The following KCNU1 variants were observed in gnomAD, a reference collection of about 807,000 sequenced individuals.
The protein encoded by KCNU1 is potassium calcium-activated channel subfamily U member 1.
In KCNU1, 93 loss-of-function variants were observed where a neutral mutation model predicts 126.8. The observed-to-expected ratio is 0.73, with a 90% CI of 0.62 to 0.87. KCNU1 has a LOEUF of 0.87. Among genes scored for constraint, KCNU1 ranks in the 40% least tolerant of loss-of-function variants. The probability of loss-of-function intolerance (pLI) is 0.00; values close to 1 mark genes in which losing one functional copy is unlikely to be tolerated. For synonymous variants in KCNU1, 523 were observed against 494.2 expected (o/e 1.06, Z -0.77); for missense variants, 1,330 against 1,367.1 (o/e 0.97, Z 0.43).
intron 19 of KCNU1, 34 bp downstream of exon 19, chr8:36,864,555 T>C (rs1341458427): frequency 4.0e-6 from 5 of 1,255,340 alleles, no homozygotes; most frequent in Admixed American, 1.7e-5. Flanking sequence ...TCTCCTATAG[T>C]TTTTTTGAGA....
chr8:36,794,785 C>A (rs775176906), intron 2 of KCNU1, among the ~76,000 whole-genome samples: 1 of 151,992 alleles, frequency 6.6e-6, no homozygotes, highest in Non-Finnish European at 1.5e-5. Flanking sequence ...ATTACCCAGG[C>A]ATGGTGACAC....
rs567150763 is a variant in KCNU1 at position 36,902,416 on chromosome 8, G to A, written c.2010-3292G>A. Among the ~76,000 whole-genome samples the A allele has an allele frequency of 1.2e-4, 19 of 152,214 alleles. No individual in the cohort carries two copies. The East Asian group carries it at 3.5e-3, about 28-fold the overall frequency. On this transcript the variant is annotated intron_variant, in intron 19 of 26. Transcript: ENST00000399881. ...CAAAGACTCTTCATTTATCATGAGG[G>A]TGGAGAGGGTGGAGAAGGAGGGGAA...
At chr8:36,816,234 T>A (rs10101789) in intron 9 of KCNU1, among the ~76,000 whole-genome samples, 45,350 of 151,830 alleles carry the variant, frequency 0.3, 7,648 homozygotes, top group African/African-American at 0.43. Context: ...TTTTTTTTCC[T>A]TGCCACAGCC....
At chr8:36,910,813 C>A in intron 21 of KCNU1, 117 bp from the exon 22 acceptor site, 1 of 629,220 alleles carries the variant, frequency 1.6e-6, no homozygotes, top group East Asian at 2.7e-5. Context: ...ATCAAGTCAG[C>A]AAAGGTTGGA....
intron 22 of KCNU1, among the ~76,000 whole-genome samples, chr8:36,913,053 T>C (rs1807949752): frequency 6.6e-6 from 1 of 151,304 alleles, no homozygotes; most frequent in African/African-American, 2.4e-5. Context: ...CCATAAGTCA[T>C]TTAGTTGATG....
intron 2 of KCNU1, among the ~76,000 whole-genome samples, chr8:36,794,974 A>T (rs1016351030): frequency 6.6e-6 from 1 of 152,098 alleles, no homozygotes; most frequent in Non-Finnish European, 1.5e-5. Context: ...AAGAAATGAA[A>T]GTCCACCCCA....
intron 19 of KCNU1, among the ~76,000 whole-genome samples, chr8:36,871,686 A>G (rs1806108823): frequency 6.6e-6 from 1 of 152,110 alleles, no homozygotes; most frequent in Non-Finnish European, 1.5e-5. Flanking sequence ...CTTTTAAAAA[A>G]CTAAAAACAA....
At chr8:36,929,414 A>C (rs1287214978) in intron 24 of KCNU1, among the ~76,000 whole-genome samples, 2 of 136,456 alleles carry the variant, frequency 1.5e-5, no homozygotes, top group African/African-American at 2.5e-5. Context: ...AAAAGAACAA[A>C]AAACAAACAA....
At chr8:36,803,056 G>A (rs983687853) in intron 2 of KCNU1, among the ~76,000 whole-genome samples, 1 of 152,130 alleles carries the variant, frequency 6.6e-6, no homozygotes, top group Non-Finnish European at 1.5e-5. Context: ...ACCAGTCAGA[G>A]AAGCAAGTTC....
chr8:36,802,823 C>T (rs1439660846), intron 2 of KCNU1, among the ~76,000 whole-genome samples: 3 of 152,124 alleles, frequency 2.0e-5, no homozygotes, highest in Non-Finnish European at 4.4e-5. Context: ...CTTCATTTGT[C>T]ATCCAGGCTG....
intron 10 of KCNU1, among the ~76,000 whole-genome samples, chr8:36,820,047 T>C (rs932189058): frequency 6.6e-6 from 1 of 152,276 alleles, no homozygotes; most frequent in East Asian, 1.9e-4. Flanking sequence ...CCCAGTCAGC[T>C]GTCAGCTACT....
intron 18 of KCNU1, among the ~76,000 whole-genome samples, chr8:36,855,417 G>T (rs1378269788): frequency 2.0e-5 from 3 of 152,066 alleles, no homozygotes; most frequent in Non-Finnish European, 4.4e-5. Context: ...GTAGGGTTAT[G>T]CAGGGAACCA....
At chr8:36,823,448 A>G (rs748335624) in intron 10 of KCNU1, among the ~76,000 whole-genome samples, 10 of 152,084 alleles carry the variant, frequency 6.6e-5, no homozygotes, top group Non-Finnish European at 1.3e-4. Context: ...CATCACTTCT[A>G]TTGTTTCGGT....
At chr8:36,885,208 A>G (rs1262781898) in intron 19 of KCNU1, among the ~76,000 whole-genome samples, 2 of 152,190 alleles carry the variant, frequency 1.3e-5, no homozygotes, top group Admixed American at 1.3e-4. Flanking sequence ...TGAAAGGCCT[A>G]GAAAAAGTCC....
intron 24 of KCNU1, among the ~76,000 whole-genome samples, chr8:36,927,896 G>T (rs571710192): frequency 6.7e-6 from 1 of 149,436 alleles, no homozygotes; most frequent in African/African-American, 2.4e-5. Flanking sequence ...AGACAAGAGG[G>T]ATGGAGAGAG....
In KCNU1 at chr8:36,817,691, C is replaced by A. The variant is rs1360683639; in HGVS notation, c.1037C>A (p.Thr346Asn). 1.2e-6 allele frequency: 2 copies of A among 1,612,790 alleles called. No individual in the cohort carries two copies. Among genetic ancestry groups the A allele is most frequent in the Admixed American group, 1.7e-5 (1 of 59,968 alleles). ...VCGNITVDSV[T>N]AFLRNFLRDK... ...GGAAACATCACTGTGGACAGTGTGA[C>A]CGCTTTCCTGAGGAATTTCCTCCGC... Residue 346 changes from threonine (T) to asparagine (N), a missense_variant, in exon 10 of 27, where the codon ACC becomes AAC. Thr to Asn is a moderately conservative substitution (Grantham distance 65, BLOSUM62 0). Transcript: ENST00000399881.
chr8:36,802,458 C>T (rs1458794922), intron 2 of KCNU1, among the ~76,000 whole-genome samples: 1 of 152,144 alleles, frequency 6.6e-6, no homozygotes, highest in Non-Finnish European at 1.5e-5. Flanking sequence ...AGTTGCCACC[C>T]AGGACATAAT....
intron 24 of KCNU1, among the ~76,000 whole-genome samples, chr8:36,925,468 T>C (rs1205794509): frequency 6.6e-6 from 1 of 152,202 alleles, no homozygotes; most frequent in Non-Finnish European, 1.5e-5. Context: ...ATGAACACAC[T>C]GTAACACTAT....
intron 9 of KCNU1, among the ~76,000 whole-genome samples, 167 bp from the exon 10 acceptor site, chr8:36,817,483 G>A (rs868017458): frequency 6.9e-4 from 72 of 103,666 alleles, no homozygotes; most frequent in Admixed American, 6.7e-4. Flanking sequence ...TGGGCAGCAA[G>A]AGCAAAACTC....
Sources: allele counts gnomAD v4.1 joint callset (sites outside exome capture counted in the v4.1 genomes callset), GRCh38; gene constraint gnomAD v4.1.1; transcripts MANE v1.5; gene names NCBI Gene and HGNC (gene_info 2026-07-23, HGNC 2026-07-21).